The following TRPV3 variants were observed in gnomAD, a reference collection of about 807,000 sequenced individuals.
TRPV3 encodes the protein transient receptor potential cation channel subfamily V member 3, also known as VRL-3.
A neutral mutation model predicts 87.1 loss-of-function variants in TRPV3; 88 were observed. That is an observed-to-expected ratio of 1.01 (90% CI 0.85 to 1.21). The LOEUF is 1.21. TRPV3 is among the 50% of genes most tolerant of loss of function. The pLI, the probability that TRPV3 is intolerant of heterozygous loss-of-function variation, is 0.00. For missense variants in TRPV3, 1,054 were observed against 1,030.1 expected (o/e 1.02, Z -0.32); for synonymous variants, 438 against 423.3 (o/e 1.03, Z -0.43).
At chr17:3,536,711 C>T (rs924053379) in intron 6 of TRPV3, among the ~76,000 whole-genome samples, 7 of 152,106 alleles carry the variant, frequency 4.6e-5, no homozygotes, top group East Asian at 1.9e-4. Flanking sequence ...TCAGGATGCC[C>T]GGCTGGGAAG....
chr17:3,546,239 C>T (rs2074524485), intron 2 of TRPV3, among the ~76,000 whole-genome samples: 1 of 151,634 alleles, frequency 6.6e-6, no homozygotes, highest in Non-Finnish European at 1.5e-5. Context: ...GTCGGGAGTT[C>T]GAGACCAGCC....
chr17:3,514,058 A>G, intron 17 of TRPV3, 47 bp from the exon 18 acceptor site: 1 of 1,447,676 alleles, frequency 6.9e-7, no homozygotes, highest in Non-Finnish European at 9.4e-7. Context: ...CACTCTGCAT[A>G]GTGTGTTTCT....
At chr17:3,551,812 C>G (rs1185638273) in intron 2 of TRPV3, among the ~76,000 whole-genome samples, 1 of 149,696 alleles carries the variant, frequency 6.7e-6, no homozygotes, top group African/African-American at 2.4e-5. Context: ...TTGATTCCAC[C>G]ATTAGGCCTG....
At chr17:3,520,868 G>A (rs1465825942) in intron 14 of TRPV3, 105 bp downstream of exon 14, 3 of 609,000 alleles carry the variant, frequency 4.9e-6, no homozygotes, top group Non-Finnish European at 8.8e-6. Context: ...TGCCCCACTG[G>A]TAGTTGGTCT....
chr17:3,533,836 T>C (rs549867389), intron 7 of TRPV3, among the ~76,000 whole-genome samples: 10 of 152,168 alleles, frequency 6.6e-5, no homozygotes, highest in Admixed American at 1.3e-4. Context: ...TTTCATATCA[T>C]AGTATATAAA....
chr17:3,521,293 T>C (rs1007009068), intron 13 of TRPV3, among the ~76,000 whole-genome samples: 1 of 152,120 alleles, frequency 6.6e-6, no homozygotes, highest in African/African-American at 2.4e-5. Context: ...CCTTTCACCA[T>C]AGGGTCTCAC....
chr17:3,532,344 C>T (rs1567637660), intron 8 of TRPV3, among the ~76,000 whole-genome samples: 1 of 152,268 alleles, frequency 6.6e-6, no homozygotes, highest in Non-Finnish European at 1.5e-5. Flanking sequence ...AAGGGCCACC[C>T]ACTGCTGGGG....
chr17:3,555,586 C>A (rs1032268430), intron 1 of TRPV3, among the ~76,000 whole-genome samples: 3 of 152,172 alleles, frequency 2.0e-5, no homozygotes, highest in Non-Finnish European at 2.9e-5. Flanking sequence ...GCCGACCCCC[C>A]AGTCCAGACC....
rs762285637 is a variant in TRPV3 at position 3,545,164 on chromosome 17, C to T, written c.224+3G>A. 8 of 1,612,198 alleles carry T rather than the reference C, an allele frequency of 5.0e-6. No homozygotes were observed. In the South Asian group the frequency reaches 5.5e-5, roughly 11 times the overall value. ...AAGGGGTTGGGCTGGGGCCCGTACT[C>T]ACCACTGCCGGATGTTGGAATCCAT... On this transcript the variant is annotated splice_donor_region_variant and intron_variant, in intron 3 of 17. Transcript: ENST00000576742.
intron 11 of TRPV3, among the ~76,000 whole-genome samples, chr17:3,527,376 T>A (rs746972739): frequency 6.6e-6 from 1 of 152,142 alleles, no homozygotes; most frequent in Admixed American, 6.5e-5. Context: ...TGTCCCCAGA[T>A]AAAAGTCACC....
At chr17:3,552,833 A>C (rs2074591879) in intron 2 of TRPV3, 1 of 152,270 alleles carries the variant, frequency 6.6e-6, no homozygotes, top group Non-Finnish European at 1.5e-5. Flanking sequence ...GGGAAGGGGC[A>C]GGAGAGCCAG....
rs111545309 is a variant in TRPV3 at position 3,518,551 on chromosome 17, C to T, written c.2085+25G>A. On this transcript the variant is annotated intron_variant, in intron 15 of 17. Transcript: ENST00000576742. The surrounding 1 kb of genome is among the most constrained non-coding windows in gnomAD (Gnocchi z 4.3). ...GAACTGAGTCCCGTGGAGGCCCCCACGCTGGGGTCTCCACCTAGGCTCACC... is the reference window on the plus strand; with the variant it reads ...GAACTGAGTCCCGTGGAGGCCCCCATGCTGGGGTCTCCACCTAGGCTCACC... 4,215 of 1,539,230 alleles carry T rather than the reference C, an allele frequency of 2.7e-3. 120 individuals carry two copies. The African/African-American group carries it at 0.048, about 17-fold the overall frequency.
chr17:3,531,091 C>A (rs2318099), intron 8 of TRPV3, among the ~76,000 whole-genome samples: 23,907 of 149,146 alleles, frequency 0.16, 2,435 homozygotes, highest in East Asian at 0.45. Flanking sequence ...AACAAAAAAA[C>A]CAAAAATTCC....
intron 16 of TRPV3, among the ~76,000 whole-genome samples, chr17:3,516,038 T>C (rs999959515): frequency 6.6e-5 from 10 of 151,690 alleles, no homozygotes; most frequent in African/African-American, 2.2e-4. Flanking sequence ...AATACAAAAT[T>C]AGCCAGGGGT....
intron 11 of TRPV3, chr17:3,527,743 G>A (rs914256782): frequency 3.9e-5 from 18 of 457,158 alleles, no homozygotes; most frequent in East Asian, 3.1e-4. Flanking sequence ...GCAGGTGATC[G>A]GATGGGTGGA....
intron 7 of TRPV3, among the ~76,000 whole-genome samples, chr17:3,533,392 T>G (rs2074369175): frequency 6.6e-6 from 1 of 152,174 alleles, no homozygotes; most frequent in African/African-American, 2.4e-5. Context: ...CTTCAAGTCC[T>G]TGCTCAAATG....
At position 3,535,629 on chromosome 17, in the gene TRPV3, G is replaced by C; in HGVS notation, c.728C>G (p.Ala243Gly). The C allele has an allele frequency of 6.2e-7, 1 of 1,609,432 alleles. No homozygotes were observed. The highest frequency in any genetic ancestry group is 1.1e-5 in the South Asian group (1 of 90,606). Reference protein sequence around the residue: ...LLIAAGADVNAHAKGAFFNPK... With the variant: ...LLIAAGADVNGHAKGAFFNPK... ...GTTGAAGAAGGCCCCCTTGGCGTGCGCGTTGACGTCGGCGCCGGCGGCGAT... is the reference window on the plus strand; with the variant it reads ...GTTGAAGAAGGCCCCCTTGGCGTGCCCGTTGACGTCGGCGCCGGCGGCGAT... The change falls in exon 7 of 18, where the codon GCG becomes GGG. Residue 243 changes from alanine to glycine, a missense_variant. Physicochemically the swap from Ala to Gly is moderately conservative, Grantham distance 60. Transcript: ENST00000576742.
chr17:3,535,778 C>T, intron 6 of TRPV3, 65 bp from the exon 7 acceptor site: 4 of 1,399,218 alleles, frequency 2.9e-6, no homozygotes, highest in Non-Finnish European at 2.8e-6. Flanking sequence ...TGCCCACCCG[C>T]TCTGGCCTCC....
chr17:3,550,468 C>G (rs1183369885), intron 2 of TRPV3, among the ~76,000 whole-genome samples: 1 of 151,226 alleles, frequency 6.6e-6, no homozygotes, highest in African/African-American at 2.4e-5. Context: ...CTGGGCTACC[C>G]GGCTGCTTGC....
Sources: gnomAD v4.1 joint callset for allele counts (sites outside exome capture counted in the v4.1 genomes callset) on GRCh38, gnomAD v4.1.1 for gene constraint, Gnocchi (gnomAD v3.1) non-coding constraint, MANE v1.5 for transcripts, NCBI Gene and HGNC (gene_info 2026-07-23, HGNC 2026-07-21) for gene names.